The following EFCAB3 variants were observed in gnomAD, a reference collection of about 807,000 sequenced individuals.
The protein encoded by EFCAB3 is EF-hand calcium-binding domain-containing protein 3.
EFCAB3 carries 36 observed loss-of-function variants against 42.2 expected under a neutral mutation model. The ratio of observed to expected loss-of-function variants is 0.85; its 90% CI spans 0.65 to 1.13. The LOEUF (loss-of-function observed/expected upper bound fraction) is 1.13. EFCAB3 is among the 50% of genes most tolerant of loss of function. EFCAB3 has a pLI of 0.00. For synonymous variants in EFCAB3, 170 were observed against 172.8 expected (o/e 0.98, Z 0.13); for missense variants, 418 against 505.1 (o/e 0.83, Z 1.65).
chr17:62,415,946 C>T, intron 9 of EFCAB3, 57 bp from the exon 10 acceptor site: 1 of 1,382,370 alleles, frequency 7.2e-7, no homozygotes, highest in Non-Finnish European at 9.9e-7. Flanking sequence ...TCATTGTGGT[C>T]CACAAATCAA....
At chr17:62,400,642 C>T (rs979367830) in intron 6 of EFCAB3, among the ~76,000 whole-genome samples, 1 of 152,044 alleles carries the variant, frequency 6.6e-6, no homozygotes. Flanking sequence ...TGGACATTTG[C>T]GTTGGTTCCA....
At chr17:62,393,926 G>A (rs1406654135) in intron 5 of EFCAB3, among the ~76,000 whole-genome samples, 3 of 151,614 alleles carry the variant, frequency 2.0e-5, no homozygotes, top group Admixed American at 2.0e-4. Context: ...AGAAAAATTT[G>A]GCTGCCTTCT....
chr17:62,371,038 G>T (rs1278228257), intron 1 of EFCAB3, among the ~76,000 whole-genome samples: 1 of 151,912 alleles, frequency 6.6e-6, no homozygotes, highest in East Asian at 1.9e-4. Flanking sequence ...ATTGCAATGA[G>T]CTATGATTGC....
At chr17:62,397,826 C>T in intron 6 of EFCAB3, 1 of 298,672 alleles carries the variant, frequency 3.3e-6, no homozygotes, top group South Asian at 3.5e-5. Flanking sequence ...AGTTCGAGAC[C>T]AGCCTGGCCA....
chr17:62,415,112 A>C (rs912209049), intron 9 of EFCAB3, among the ~76,000 whole-genome samples: 3 of 146,382 alleles, frequency 2.0e-5, no homozygotes, highest in East Asian at 2.4e-4. Context: ...TCAAAAACAA[A>C]AAAAAACAAA....
intron 6 of EFCAB3, among the ~76,000 whole-genome samples, chr17:62,398,715 A>ACG (rs1321656806): frequency 3.7e-4 from 56 of 151,898 alleles, no homozygotes; most frequent in African/African-American, 1.3e-3. Flanking sequence ...ACACACACAC[A>ACG]CACACACATA....
Position 62,393,638 on chromosome 17 carries a change from G to T in EFCAB3, c.361G>T (p.Ala121Ser). ...VLTDKNLFLK[A>S]VVPEKETCLD... ...AACAGATAAGAATCTCTTCCTCAAGGCAGTGGGTGAGTAGAGATGTTATGA... is the reference window on the plus strand; with the variant it reads ...AACAGATAAGAATCTCTTCCTCAAGTCAGTGGGTGAGTAGAGATGTTATGA... The change falls in exon 5 of 10, where the codon GCA becomes TCA. Residue 121 changes from alanine (A) to serine (S), a missense_variant. By Grantham distance (99) the Ala-to-Ser change is moderately conservative. Transcript: ENST00000305286. The T allele has an allele frequency of 6.2e-7, 1 of 1,613,896 alleles. No individual in the cohort carries two copies. The highest frequency in any genetic ancestry group is 1.7e-4 in the Middle Eastern group (1 of 6,060).
intron 2 of EFCAB3, among the ~76,000 whole-genome samples, chr17:62,385,056 G>T (rs1182042251): frequency 6.6e-6 from 1 of 152,116 alleles, no homozygotes; most frequent in Non-Finnish European, 1.5e-5. Flanking sequence ...TTCAACTTAT[G>T]ATGGGTTTAT....
chr17:62,401,595 T>C (rs544393313), intron 6 of EFCAB3, among the ~76,000 whole-genome samples: 15 of 152,298 alleles, frequency 9.8e-5, no homozygotes, highest in Non-Finnish European at 2.1e-4. Flanking sequence ...GATCAGACAG[T>C]TGTAGATGTG....
chr17:62,387,273 G>A (rs2070260058), intron 2 of EFCAB3, 67 bp from the exon 3 acceptor site: 1 of 1,238,546 alleles, frequency 8.1e-7, no homozygotes, highest in African/African-American at 1.5e-5. Context: ...AGAAACTGAT[G>A]AGTAAGACTA....
intron 3 of EFCAB3, among the ~76,000 whole-genome samples, chr17:62,388,925 A>G (rs2070279246): frequency 6.6e-6 from 1 of 152,208 alleles, no homozygotes; most frequent in Non-Finnish European, 1.5e-5. Context: ...ACTCATTTTA[A>G]GGGGTCTATT....
intron 6 of EFCAB3, among the ~76,000 whole-genome samples, chr17:62,400,733 G>A (rs907527260): frequency 3.9e-5 from 6 of 152,022 alleles, no homozygotes; most frequent in African/African-American, 1.4e-4. Context: ...TAATCATTTG[G>A]GTATATACCC....
chr17:62,392,584 A>T (rs1333086253), intron 4 of EFCAB3, among the ~76,000 whole-genome samples: 1 of 152,026 alleles, frequency 6.6e-6, no homozygotes, highest in African/African-American at 2.4e-5. Flanking sequence ...TCCCACCTAT[A>T]TTGAATTTTA....
rs751870352 is a variant in EFCAB3, at chr17:62,406,481, T to A, written c.490T>A (p.Tyr164Asn). ...TCTGAATTACTTTTTTTTTTAAAGC[T>A]ATTTCCAAAGAAAATTCCAGCATAC... The part of the protein sequence containing the change: ...PRKSIIEIVS[Y>N]FQRKFQHTGP... Residue 164 changes from tyrosine to asparagine, a missense_variant and splice_region_variant, in exon 7 of 10, where the codon TAT (tyrosine) becomes AAT (asparagine). By Grantham distance (143) the Tyr-to-Asn change is moderately radical (BLOSUM62 -2). Coordinates refer to ENST00000305286, the MANE Select transcript of EFCAB3 (RefSeq NM_173503.4). 1.3e-6 allele frequency: 2 copies of A among 1,579,104 alleles called. No homozygotes were observed. Among genetic ancestry groups the A allele is most frequent in the East Asian group, 2.2e-5 (1 of 44,558 alleles).
At chr17:62,386,505 G>A (rs1316183432) in intron 2 of EFCAB3, among the ~76,000 whole-genome samples, 1 of 151,996 alleles carries the variant, frequency 6.6e-6, no homozygotes, top group African/African-American at 2.4e-5. Context: ...TAGATACAGA[G>A]GTTTCTCTGT....
intron 1 of EFCAB3, among the ~76,000 whole-genome samples, chr17:62,372,523 C>G (rs745132): frequency 6.6e-6 from 1 of 151,722 alleles, no homozygotes; most frequent in East Asian, 1.9e-4. Context: ...TTCAAGTGAT[C>G]TGCCTGCCTC....
At chr17:62,395,330 T>A in intron 6 of EFCAB3, 142 bp downstream of exon 6, 1 of 1,069,912 alleles carries the variant, frequency 9.3e-7, no homozygotes, top group Non-Finnish European at 1.3e-6. Flanking sequence ...GCAAATGCCC[T>A]TGTGCTACAA....
intron 4 of EFCAB3, 75 bp downstream of exon 4, chr17:62,392,040 A>G (rs2070307382): frequency 7.1e-7 from 1 of 1,411,688 alleles, no homozygotes. Context: ...TAATGACTGT[A>G]TAAACATGAG....
chr17:62,415,175 T>A (rs1320026829), intron 9 of EFCAB3, among the ~76,000 whole-genome samples: 2 of 152,010 alleles, frequency 1.3e-5, no homozygotes, highest in Non-Finnish European at 2.9e-5. Flanking sequence ...TCCATCCCCA[T>A]TACCACTGCC....
Sources: allele counts gnomAD v4.1 joint callset (sites outside exome capture counted in the v4.1 genomes callset), GRCh38; gene constraint gnomAD v4.1.1; transcripts MANE v1.5; gene names NCBI Gene and HGNC (gene_info 2026-07-23, HGNC 2026-07-21).